TTC28: variants seen among roughly 807,000 people sequenced by gnomAD.
TTC28 encodes the protein tetratricopeptide repeat protein 28.
Under a neutral mutation model 198.0 loss-of-function variants are expected in TTC28, and 61 were observed. The ratio of observed to expected loss-of-function variants is 0.31; its 90% CI spans 0.25 to 0.38. The LOEUF is 0.38. Among genes scored for constraint, TTC28 ranks in the 10% least tolerant of loss-of-function variants. TTC28 has a pLI of 1.00. For missense variants in TTC28, 2,678 were observed against 3,164.0 expected, an observed-to-expected ratio of 0.85 and a Z score of 3.69; for synonymous variants, 1,171 against 1,297.8, an observed-to-expected ratio of 0.90 and a Z score of 2.10.
At chr22:28,408,074 C>T (rs1214988287) in intron 2 of TTC28, among the ~76,000 whole-genome samples, 4 of 151,988 alleles carry the variant, frequency 2.6e-5, no homozygotes, top group Non-Finnish European at 5.9e-5. Flanking sequence ...TTTCTGTTTT[C>T]TCCTTTTTTA....
intron 6 of TTC28, among the ~76,000 whole-genome samples, chr22:28,162,819 G>A (rs369364349): frequency 1.3e-4 from 20 of 152,060 alleles, no homozygotes; most frequent in African/African-American, 3.6e-4. Context: ...GTGTACTGGC[G>A]TGTGCCTGTC....
At chr22:28,393,223 G>A (rs1025811442) in intron 2 of TTC28, among the ~76,000 whole-genome samples, 3 of 151,972 alleles carry the variant, frequency 2.0e-5, no homozygotes, top group Non-Finnish European at 2.9e-5. Flanking sequence ...GTTCTATGTA[G>A]GCAGAGTTCA....
chr22:28,155,238 C>A (rs1263403045), intron 6 of TTC28, among the ~76,000 whole-genome samples: 1 of 152,200 alleles, frequency 6.6e-6, no homozygotes, highest in Non-Finnish European at 1.5e-5. Flanking sequence ...TAACTAGTTG[C>A]CCCTCTTAGC....
intron 2 of TTC28, among the ~76,000 whole-genome samples, chr22:28,545,196 A>C (rs1048889322): frequency 2.0e-5 from 3 of 152,162 alleles, no homozygotes; most frequent in African/African-American, 7.2e-5. Context: ...ATAAATTATC[A>C]TCACTTCACC....
chr22:27,982,468 C>G lies in TTC28; in HGVS notation c.7199G>C (p.Arg2400Pro). 1 of 1,551,476 alleles carries G rather than the reference C, an allele frequency of 6.4e-7. No individual in the cohort carries two copies. The highest frequency in any genetic ancestry group is 8.7e-7 in the Non-Finnish European group (1 of 1,146,958). ...DVLSLLNLSP[R>P]HNKKEEGVDK... ...CACTCCCTCCTCCTTCTTATTGTGCCGTGGTGACAAATTCAACAGACTGAG... is the reference window on the plus strand; with the variant it reads ...CACTCCCTCCTCCTTCTTATTGTGCGGTGGTGACAAATTCAACAGACTGAG... The change falls in exon 23 of 23, where the codon CGG becomes CCG. Residue 2400 changes from arginine to proline, a missense_variant. Arg to Pro is a moderately radical substitution (Grantham distance 103, BLOSUM62 -2). Transcript: ENST00000397906. The surrounding 1 kb of genome is among the most constrained non-coding windows in gnomAD (Gnocchi z 5.2).
intron 2 of TTC28, among the ~76,000 whole-genome samples, chr22:28,629,135 G>A (rs564704720): frequency 6.6e-6 from 1 of 152,134 alleles, no homozygotes; most frequent in East Asian, 1.9e-4. Context: ...AAATTTCCCT[G>A]ATTAAATACC....
intron 1 of TTC28, among the ~76,000 whole-genome samples, chr22:28,640,317 G>T (rs865989010): frequency 2.1e-5 from 3 of 144,824 alleles, no homozygotes; most frequent in Non-Finnish European, 4.5e-5. Flanking sequence ...AGTAAAGGGG[G>T]GGGGGGGAAA....
Position 28,457,549 on chromosome 22 carries a change from A to G in TTC28, c.382-150906T>C, listed in dbSNP as rs150330477. Reference sequence around the variant, plus strand: ...TAGCTCATCGACAAGTAACAGTCACAACTTTTAGACTGTATCTGAAAATCC... The same window carrying G: ...TAGCTCATCGACAAGTAACAGTCACGACTTTTAGACTGTATCTGAAAATCC... On this transcript the variant is annotated intron_variant, in intron 2 of 22. Coordinates refer to ENST00000397906, the MANE Select transcript of TTC28 (RefSeq NM_001145418.2). Among the ~76,000 whole-genome samples, 245 of 152,342 alleles carry G rather than the reference A, an allele frequency of 1.6e-3. 7 individuals carry two copies. The East Asian group carries it at 0.045, about 28-fold the overall frequency.
chr22:27,999,236 T>C lies in TTC28; in HGVS notation c.4423A>G (p.Thr1475Ala). ...SKSHLRKNPP[T>A]YSSSTSMAAV... ...GCCATGGATGTGGAGCTGGAGTATG[T>C]GGGCGGGTTCTTCCGTAAGTGAGAC... Residue 1475 changes from threonine (T) to alanine (A), a missense_variant, in exon 16 of 23, where the codon ACA becomes GCA. Thr to Ala is a moderately conservative substitution (Grantham distance 58). Coordinates refer to ENST00000397906, the MANE Select transcript of TTC28 (RefSeq NM_001145418.2). The C allele has an allele frequency of 4.5e-6, 7 of 1,550,568 alleles. No homozygotes were observed. Among genetic ancestry groups the C allele is most frequent in the Non-Finnish European group, 6.1e-6 (7 of 1,146,680 alleles).
At position 27,982,362 on chromosome 22, in the gene TTC28, G is replaced by A. The variant is rs1174689886; in HGVS notation, c.7305C>T (p.Arg2435=). ...GTGAGCCCAGCGAGGTGGTCTCGGT[G>A]CGCCAGTGTCCGTTGGGAGGGGCTT... The part of the protein sequence containing the change: ...PPKAPPNGHW[R]TETTSLGSLP... Residue 2435 remains arginine, a synonymous_variant, in exon 23 of 23, where the codon CGC becomes CGT. Coordinates refer to ENST00000397906, the MANE Select transcript of TTC28 (RefSeq NM_001145418.2). The surrounding 1 kb of genome is among the most constrained non-coding windows in gnomAD (Gnocchi z 5.2). 2 of 1,550,192 alleles carry A rather than the reference G, an allele frequency of 1.3e-6. No individual in the cohort carries two copies. Among genetic ancestry groups the A allele is most frequent in the Non-Finnish European group, 1.7e-6 (2 of 1,146,252 alleles).
chr22:28,352,030 C>A lies in TTC28; in HGVS notation c.382-45387G>T, dbSNP rs545897395. On this transcript the variant is annotated intron_variant, in intron 2 of 22. Transcript: ENST00000397906. Reference sequence around the variant, plus strand: ...AGATATTCTCCCCTCTACAACCCACCCTCTAATTCAGTTCACTTTAATTAA... The same window carrying A: ...AGATATTCTCCCCTCTACAACCCACACTCTAATTCAGTTCACTTTAATTAA... Among the ~76,000 whole-genome samples, 4 of 152,196 alleles carry A rather than the reference C, an allele frequency of 2.6e-5. No individual in the cohort carries two copies. In the South Asian group the frequency reaches 8.3e-4, roughly 32 times the overall value.
intron 5 of TTC28, among the ~76,000 whole-genome samples, chr22:28,180,735 G>A (rs1923616466): frequency 6.6e-6 from 1 of 152,120 alleles, no homozygotes; most frequent in Non-Finnish European, 1.5e-5. Context: ...TCTTGGTAGG[G>A]AAAAAACTTC....
At chr22:28,035,186 C>G (rs1421566261) in intron 12 of TTC28, among the ~76,000 whole-genome samples, 2 of 152,174 alleles carry the variant, frequency 1.3e-5, no homozygotes, top group Admixed American at 6.5e-5. Flanking sequence ...CTCCATTCCC[C>G]ACCCCCCTCC....
chr22:27,986,241 G>A (rs1937211375), intron 21 of TTC28: 1 of 152,228 alleles, frequency 6.6e-6, no homozygotes, highest in African/African-American at 2.4e-5. Context: ...TGTTTGATAA[G>A]TGTCTGGCAT....
chr22:28,267,212 C>T (rs1429749566), intron 5 of TTC28, among the ~76,000 whole-genome samples: 2 of 152,162 alleles, frequency 1.3e-5, no homozygotes, highest in Admixed American at 6.5e-5. Context: ...TGATTTCTTA[C>T]TCTATATCTT....
At position 28,134,345 on chromosome 22, in the gene TTC28, C is replaced by A. The variant is rs139157857; in HGVS notation, c.1442-25942G>T. Among the ~76,000 whole-genome samples, 1,071 of 152,330 alleles carry A rather than the reference C, an allele frequency of 7.0e-3. 12 individuals carry two copies. The highest frequency in any genetic ancestry group is 0.025 in the African/African-American group (1,033 of 41,572). ...ATGCAGCTCCTCGCCAGCAATGGAA[C>A]ACAGCTGGACGGAGAATGACTTTGA... On this transcript the variant is annotated intron_variant, in intron 6 of 22. Transcript: ENST00000397906.
At chr22:28,214,877 C>A (rs544994507) in intron 5 of TTC28, among the ~76,000 whole-genome samples, 8 of 152,270 alleles carry the variant, frequency 5.3e-5, no homozygotes, top group African/African-American at 1.7e-4. Flanking sequence ...GACTTGGAAC[C>A]AACCCAAATG....
chr22:28,397,285 G>A (rs2046833533), intron 2 of TTC28, among the ~76,000 whole-genome samples: 1 of 152,114 alleles, frequency 6.6e-6, no homozygotes, highest in Admixed American at 6.5e-5. Context: ...ATCCTTTAAA[G>A]CTCATTGATC....
intron 14 of TTC28, chr22:28,007,986 T>C (rs1325121120): frequency 6.6e-6 from 1 of 152,182 alleles, no homozygotes; most frequent in Admixed American, 6.5e-5. Context: ...AGAAATCAAT[T>C]AGACAGCCTG....
Sources: allele counts gnomAD v4.1 joint callset (sites outside exome capture counted in the v4.1 genomes callset), GRCh38; gene constraint gnomAD v4.1.1; non-coding constraint Gnocchi (gnomAD v3.1); transcripts MANE v1.5; gene names NCBI Gene and HGNC (gene_info 2026-07-23, HGNC 2026-07-21).